The following HUNK variants were observed in gnomAD, a reference collection of about 807,000 sequenced individuals.
HUNK encodes hormonally up-regulated Neu-associated kinase.
Under a neutral mutation model 61.0 loss-of-function variants are expected in HUNK, and 21 were observed. The ratio of observed to expected loss-of-function variants is 0.34; its 90% CI spans 0.24 to 0.50. The LOEUF (loss-of-function observed/expected upper bound fraction) is 0.50. Ranked by LOEUF, HUNK falls within the 20% of genes least tolerant of loss-of-function variation. HUNK has a pLI of 0.98. For missense variants in HUNK, 772 were observed against 945.7 expected, an observed-to-expected ratio of 0.82 and a Z score of 2.41; for synonymous variants, 371 against 386.1, an observed-to-expected ratio of 0.96 and a Z score of 0.46.
At chr21:31,913,610 AGATTATCCAGGTG>A (rs1334927970) in intron 1 of HUNK, among the ~76,000 whole-genome samples, 5 of 151,910 alleles carry the variant, frequency 3.3e-5, no homozygotes, top group African/African-American at 4.8e-5. Context: ...GGAGGCCCAC[AGATTATCCAGGTG>A]GAGATGGCCA....
chr21:31,962,211 A>C (rs1487468840), intron 5 of HUNK, among the ~76,000 whole-genome samples: 1 of 152,254 alleles, frequency 6.6e-6, no homozygotes, highest in African/African-American at 2.4e-5. Flanking sequence ...GGGGCAGTGC[A>C]ACCTTACCAT....
At chr21:31,956,425 C>A (rs2052889785) in intron 4 of HUNK, among the ~76,000 whole-genome samples, 1 of 152,204 alleles carries the variant, frequency 6.6e-6, no homozygotes, top group Non-Finnish European at 1.5e-5. Flanking sequence ...ATGCAAAACT[C>A]TACAATTTTG....
chr21:31,940,640 G>A (rs571262729), intron 3 of HUNK, among the ~76,000 whole-genome samples: 1 of 152,228 alleles, frequency 6.6e-6, no homozygotes, highest in South Asian at 2.1e-4. Flanking sequence ...TTGGTACAAT[G>A]GGAGCTGTGC....
chr21:31,954,256 C>T (rs1264530609), intron 4 of HUNK, among the ~76,000 whole-genome samples: 2 of 152,034 alleles, frequency 1.3e-5, no homozygotes, highest in Admixed American at 6.5e-5. Flanking sequence ...CTAGGTGTGC[C>T]GTAAAGATTA....
intron 5 of HUNK, among the ~76,000 whole-genome samples, chr21:31,966,300 A>G (rs572061304): frequency 6.6e-6 from 1 of 152,298 alleles, no homozygotes; most frequent in African/African-American, 2.4e-5. Flanking sequence ...ATGTATATAT[A>G]TATGTCACAT....
intron 4 of HUNK, among the ~76,000 whole-genome samples, chr21:31,948,051 T>G (rs918383161): frequency 2.6e-5 from 4 of 152,198 alleles, no homozygotes; most frequent in Non-Finnish European, 4.4e-5. Context: ...TATTACCCTA[T>G]TTTATGGAAG....
chr21:31,883,727 A>G (rs926980797), intron 1 of HUNK, among the ~76,000 whole-genome samples: 1 of 152,184 alleles, frequency 6.6e-6, no homozygotes, highest in Non-Finnish European at 1.5e-5. Flanking sequence ...GAGAGGGTCC[A>G]TGGGTTTCGT....
At chr21:31,895,333 TA>T (rs1430065624) in intron 1 of HUNK, among the ~76,000 whole-genome samples, 8 of 152,302 alleles carry the variant, frequency 5.3e-5, no homozygotes, top group Non-Finnish European at 1.0e-4. Flanking sequence ...GCTGTTGAAC[TA>T]GGGTCTCAGA....
intron 7 of HUNK, among the ~76,000 whole-genome samples, chr21:31,976,831 C>T (rs894810690): frequency 6.7e-6 from 1 of 148,772 alleles, no homozygotes; most frequent in Non-Finnish European, 1.5e-5. Flanking sequence ...AGTGCAGTGG[C>T]ATGATCTCGG....
Position 31,998,739 on chromosome 21 carries a change from G to A in HUNK, c.1700G>A (p.Arg567His), listed in dbSNP as rs201888238. 1.9e-5 allele frequency: 30 copies of A among 1,614,126 alleles called. No individual in the cohort carries two copies. The East Asian group carries it at 2.2e-4, about 12-fold the overall frequency. The part of the protein sequence containing the change: ...DMVRSFESVD[R>H]DDHVEVLSPS... ...GTGCGCTCCTTCGAGTCTGTGGATC[G>A]CGACGACCACGTAGAAGTGCTGTCT... Residue 567 changes from arginine (R) to histidine (H), a missense_variant, in exon 11 of 11, where the codon CGC becomes CAC. Physicochemically the swap from Arg to His is conservative, Grantham distance 29. Transcript: ENST00000270112.
At chr21:31,937,795 C>T (rs772279496) in intron 2 of HUNK, among the ~76,000 whole-genome samples, 38 of 152,168 alleles carry the variant, frequency 2.5e-4, no homozygotes, top group Non-Finnish European at 4.9e-4. Flanking sequence ...TTTGTGTTTT[C>T]CAAAAACCTT....
rs569384518 is a variant in HUNK at position 31,980,852 on chromosome 21, G to A, written c.1174-2674G>A. On this transcript the variant is annotated intron_variant, in intron 7 of 10. Transcript: ENST00000270112. The stretch of plus-strand genomic sequence containing the variant: ...CCCAAGTAGCTGTGATTATAGGCAT[G>A]CGCCACCATGCCCAGGTAATTTTGT... 9.2e-5 allele frequency among the ~76,000 whole-genome samples: 14 copies of A among 152,322 alleles called. No homozygotes were observed. The South Asian group carries it at 2.7e-3, about 29-fold the overall frequency.
At chr21:31,950,170 G>A (rs1255644393) in intron 4 of HUNK, among the ~76,000 whole-genome samples, 1 of 152,266 alleles carries the variant, frequency 6.6e-6, no homozygotes, top group Admixed American at 6.5e-5. Flanking sequence ...AACTGAGTGT[G>A]GTAATGGCTG....
intron 3 of HUNK, among the ~76,000 whole-genome samples, chr21:31,943,102 A>G (rs894146166): frequency 1.3e-5 from 2 of 151,720 alleles, no homozygotes; most frequent in South Asian, 4.2e-4. Context: ...TTTTTTTTCA[A>G]AGGTGATTAT....
At chr21:31,963,015 G>A (rs960855796) in intron 5 of HUNK, among the ~76,000 whole-genome samples, 2 of 152,208 alleles carry the variant, frequency 1.3e-5, no homozygotes, top group African/African-American at 4.8e-5. Context: ...ATGTCTTCAG[G>A]TTTGAGGATC....
intron 8 of HUNK, among the ~76,000 whole-genome samples, chr21:31,989,689 G>A (rs575152270): frequency 1.2e-3 from 172 of 146,202 alleles, no homozygotes; most frequent in African/African-American, 4.3e-3. Context: ...ACTCTAACCT[G>A]TGTGACAGAG....
In HUNK at chr21:31,999,915, A is replaced by C. The variant is rs572160164; in HGVS notation, c.*731A>C. The C allele has an allele frequency of 5.5e-4, 205 of 374,060 alleles. No homozygotes were observed. The highest frequency in any genetic ancestry group is 7.8e-4 in the Non-Finnish European group (165 of 211,100). The allele number at this position is 374,060 out of a possible 1,614,324, so 23.2% of individuals were successfully genotyped here. A position where few individuals can be genotyped will look rare whatever the true frequency, so the allele number is the denominator to read the frequency against. ...TGATGTCGGTAAATTGAAATAACAT[A>C]ATTTTTTAAAACTTGGATGGAGAGA... On this transcript the variant is annotated 3_prime_UTR_variant, in exon 11 of 11. Transcript: ENST00000270112.
At chr21:31,913,858 G>A (rs1343469061) in intron 1 of HUNK, among the ~76,000 whole-genome samples, 2 of 151,908 alleles carry the variant, frequency 1.3e-5, no homozygotes, top group South Asian at 2.1e-4. Flanking sequence ...AGTAGCCTCC[G>A]GGTGCCAGGG....
intron 1 of HUNK, among the ~76,000 whole-genome samples, chr21:31,894,734 G>A (rs1329877524): frequency 1.3e-5 from 2 of 152,200 alleles, no homozygotes; most frequent in African/African-American, 4.8e-5. Context: ...GCAGCTGCAA[G>A]GTGCATGGTT....
Sources: allele counts gnomAD v4.1 joint callset (sites outside exome capture counted in the v4.1 genomes callset), GRCh38; gene constraint gnomAD v4.1.1; transcripts MANE v1.5; gene names NCBI Gene and HGNC (gene_info 2026-07-23, HGNC 2026-07-21).